SLC45A4: variants seen among roughly 807,000 people sequenced by gnomAD.
SLC45A4 encodes the protein solute carrier family 45 member 4, also known as polyamine-transporter SLC45A4.
In SLC45A4, 32 loss-of-function variants were observed where a neutral mutation model predicts 63.7. The observed-to-expected ratio is 0.50, with a 90% CI of 0.38 to 0.67. SLC45A4 has a LOEUF of 0.67. SLC45A4 is among the 30% of genes least tolerant of loss of function. The pLI, the probability that SLC45A4 is intolerant of heterozygous loss-of-function variation, is 0.00. For synonymous variants in SLC45A4, 535 were observed against 510.0 expected (o/e 1.05, Z -0.66); for missense variants, 1,027 against 1,157.7 (o/e 0.89, Z 1.64).
At position 141,286,276 on chromosome 8, in the gene SLC45A4, G is replaced by A. The variant is rs998992397; in HGVS notation, c.-401+21820C>T. The stretch of plus-strand genomic sequence containing the variant: ...CCCTCGGGAGCTGAGGAGAATGGGC[G>A]GTGGTGGTTTACTGCATGTTCAGAA... On this transcript the variant is annotated intron_variant, in intron 1 of 8. Transcript: ENST00000517878. Among the ~76,000 whole-genome samples, 5 of 152,158 alleles carry A rather than the reference G, an allele frequency of 3.3e-5. No homozygotes were observed. The East Asian group carries it at 7.7e-4, about 23-fold the overall frequency.
intron 6 of SLC45A4, among the ~76,000 whole-genome samples, chr8:141,216,479 C>T (rs1311641871): frequency 6.6e-6 from 1 of 152,268 alleles, no homozygotes; most frequent in Non-Finnish European, 1.5e-5. Flanking sequence ...TTCCTCTGTT[C>T]AAGCGGTGAC....
chr8:141,254,732 C>A lies in SLC45A4; in HGVS notation c.-400-103G>T. On this transcript the variant is annotated intron_variant, in intron 1 of 8. Coordinates refer to ENST00000517878, the MANE Select transcript of SLC45A4 (RefSeq NM_001286646.2). The surrounding 1 kb of genome is among the most constrained non-coding windows in gnomAD (Gnocchi z 4.5). ...CCGAGCAAGCCGTGTGCCCCGAGGGCCCGACCCAAGATCACACAGCTCTCT... is the reference window on the plus strand; with the variant it reads ...CCGAGCAAGCCGTGTGCCCCGAGGGACCGACCCAAGATCACACAGCTCTCT... 1 of 684,552 alleles carries A rather than the reference C, an allele frequency of 1.5e-6. No homozygotes were observed. The highest frequency in any genetic ancestry group is 2.7e-6 in the Non-Finnish European group (1 of 373,894). 42.4% of individuals were successfully genotyped at this position (684,552 alleles called of 1,614,324 possible). A position where few individuals can be genotyped will look rare whatever the true frequency, so the allele number is the denominator to read the frequency against.
chr8:141,229,737 C>T lies in SLC45A4; in HGVS notation c.242-7972G>A, dbSNP rs535388741. Among the ~76,000 whole-genome samples, 7 of 152,300 alleles carry T rather than the reference C, an allele frequency of 4.6e-5. No individual in the cohort carries two copies. In the East Asian group the frequency reaches 1.4e-3, roughly 29 times the overall value. On this transcript the variant is annotated intron_variant, in intron 2 of 8. Transcript: ENST00000517878. The surrounding 1 kb of genome is among the most constrained non-coding windows in gnomAD (Gnocchi z 5.0). ...GACTTCCCTACCTGCACCTCCCTCA[C>T]AGCCAAAGCCTGGCCAACAGCAGGG...
At chr8:141,233,983 AGTGTCC>A (rs1185119769) in intron 2 of SLC45A4, among the ~76,000 whole-genome samples, 1 of 152,152 alleles carries the variant, frequency 6.6e-6, no homozygotes, top group Non-Finnish European at 1.5e-5. Flanking sequence ...AGCTCTGTTG[AGTGTCC>A]GTTTCCTGAT....
chr8:141,264,675 G>T (rs181515920), intron 1 of SLC45A4, among the ~76,000 whole-genome samples: 1 of 152,206 alleles, frequency 6.6e-6, no homozygotes, highest in Non-Finnish European at 1.5e-5. Context: ...GAACAACAGC[G>T]CTCCTGCACC....
chr8:141,295,024 A>T (rs1426413302), intron 1 of SLC45A4, among the ~76,000 whole-genome samples: 1 of 152,218 alleles, frequency 6.6e-6, no homozygotes. Context: ...CAGTCCTCCC[A>T]CTGGACTTCA....
At chr8:141,270,995 C>T (rs1010739064) in intron 1 of SLC45A4, among the ~76,000 whole-genome samples, 14 of 152,178 alleles carry the variant, frequency 9.2e-5, no homozygotes, top group African/African-American at 2.9e-4. Flanking sequence ...GCAAATGAAG[C>T]GCCTTGGGTG....
intron 2 of SLC45A4, among the ~76,000 whole-genome samples, chr8:141,244,767 T>C (rs891814511): frequency 2.0e-5 from 3 of 151,964 alleles, no homozygotes; most frequent in Non-Finnish European, 4.4e-5. Context: ...TGACAGACCC[T>C]GGAGTTGTCC....
At chr8:141,251,460 C>A (rs1479264806) in intron 2 of SLC45A4, among the ~76,000 whole-genome samples, 3 of 152,108 alleles carry the variant, frequency 2.0e-5, no homozygotes, top group Admixed American at 1.3e-4. Context: ...TGCCACAGAG[C>A]TAAGCCCCCT....
At chr8:141,241,905 C>G (rs1300271583) in intron 2 of SLC45A4, among the ~76,000 whole-genome samples, 7 of 152,170 alleles carry the variant, frequency 4.6e-5, no homozygotes, top group Non-Finnish European at 8.8e-5. Flanking sequence ...CCATTCCTGC[C>G]GGGACACAGA....
In SLC45A4 at chr8:141,208,839, G is replaced by C. The variant is rs564439976; in HGVS notation, c.*2733C>G. The C allele has an allele frequency of 6.6e-6, 1 of 152,392 alleles. No homozygotes were observed. Among genetic ancestry groups the C allele is most frequent in the African/African-American group, 2.4e-5 (1 of 41,570 alleles). The allele number at this position is 152,392 out of a possible 1,614,324, so 9.4% of individuals were successfully genotyped here. On this transcript the variant is annotated 3_prime_UTR_variant, in exon 9 of 9. Transcript: ENST00000517878. ...TCTGCCATGTGTTAAGGGGAAGCTC[G>C]TTAAAAGAGTCTTTACTTAGCTGAC...
At position 141,285,714 on chromosome 8, in the gene SLC45A4, C is replaced by T. The variant is rs1185261390; in HGVS notation, c.-401+22382G>A. Among the ~76,000 whole-genome samples the T allele has an allele frequency of 4.6e-5, 7 of 152,362 alleles. No homozygotes were observed. The East Asian group carries it at 7.7e-4, about 17-fold the overall frequency. Reference sequence around the variant, plus strand: ...ACAAGACTGAGAGGCAGGAGCACAACCCACGGCGGAAAGCACGACACCGGG... The same window carrying T: ...ACAAGACTGAGAGGCAGGAGCACAATCCACGGCGGAAAGCACGACACCGGG... On this transcript the variant is annotated intron_variant, in intron 1 of 8. Transcript: ENST00000517878.
At chr8:141,301,621 G>T (rs561777923) in intron 1 of SLC45A4, among the ~76,000 whole-genome samples, 1 of 151,702 alleles carries the variant, frequency 6.6e-6, no homozygotes, top group Non-Finnish European at 1.5e-5. Flanking sequence ...CATAAGCCCA[G>T]CTACCTGGAG....
At chr8:141,236,594 A>C (rs936558544) in intron 2 of SLC45A4, among the ~76,000 whole-genome samples, 6 of 152,234 alleles carry the variant, frequency 3.9e-5, no homozygotes, top group African/African-American at 1.2e-4. Context: ...TAAGATCTAA[A>C]TAGTCCGTTT....
rs1415604253 is a variant in SLC45A4, at chr8:141,215,478, G to A, written c.1941+281C>T. 6.6e-6 allele frequency among the ~76,000 whole-genome samples: 1 copy of A among 152,134 alleles called. No homozygotes were observed. The highest frequency in any genetic ancestry group is 1.5e-5 in the Non-Finnish European group (1 of 68,034). Reference sequence around the variant, plus strand: ...CCCTCAGGGAAATGTGACTGGGCCTGAGGGGACCAAAGGGGCAGGGACAGT... The same window carrying A: ...CCCTCAGGGAAATGTGACTGGGCCTAAGGGGACCAAAGGGGCAGGGACAGT... On this transcript the variant is annotated intron_variant, in intron 7 of 8. Coordinates refer to ENST00000517878, the MANE Select transcript of SLC45A4 (RefSeq NM_001286646.2). This position sits in a 1 kb window ranked among gnomAD's most constrained non-coding sequence, Gnocchi z 4.3.
chr8:141,212,145 C>CCCGGGGGGGGGG, intron 8 of SLC45A4, 52 bp downstream of exon 8: 3 of 955,992 alleles, frequency 3.1e-6, no homozygotes, highest in Non-Finnish European at 3.9e-6. Flanking sequence ...GCCGCCCGCC[C>CCCGGGGGGGGGG]GCCCGCCCAC....
At chr8:141,245,172 A>G (rs1471502543) in intron 2 of SLC45A4, among the ~76,000 whole-genome samples, 1 of 152,182 alleles carries the variant, frequency 6.6e-6, no homozygotes, top group African/African-American at 2.4e-5. Context: ...AGCACATCAT[A>G]TGTGTCAACT....
At chr8:141,299,033 G>A (rs868635552) in intron 1 of SLC45A4, among the ~76,000 whole-genome samples, 32 of 147,806 alleles carry the variant, frequency 2.2e-4, no homozygotes, top group African/African-American at 5.4e-4. Flanking sequence ...CCAGCTGGGC[G>A]CCCGGCACGG....
Position 141,219,645 on chromosome 8 carries a change from G to A in SLC45A4, c.610+5C>T, listed in dbSNP as rs375441880. On this transcript the variant is annotated splice_donor_5th_base_variant and intron_variant, in intron 4 of 8. Coordinates refer to ENST00000517878, the MANE Select transcript of SLC45A4 (RefSeq NM_001286646.2). The stretch of plus-strand genomic sequence containing the variant: ...GGCCACCCAGCCTTGGTGCGGCAGC[G>A]TTACCGGCAGAGAAGGCGTGGATGT... 191 of 1,602,982 alleles carry A rather than the reference G, an allele frequency of 1.2e-4. No individual in the cohort carries two copies. The highest frequency in any genetic ancestry group is 9.8e-4 in the South Asian group (88 of 89,976).
Sources: gnomAD v4.1 joint callset for allele counts (sites outside exome capture counted in the v4.1 genomes callset) on GRCh38, gnomAD v4.1.1 for gene constraint, Gnocchi (gnomAD v3.1) non-coding constraint, MANE v1.5 for transcripts, NCBI Gene and HGNC (gene_info 2026-07-23, HGNC 2026-07-21) for gene names.